ERO1B: variants seen among roughly 807,000 people sequenced by gnomAD.
The protein encoded by ERO1B is endoplasmic reticulum oxidoreductase 1 beta, also known as ERO1-like protein beta.
Under a neutral mutation model 75.3 loss-of-function variants are expected in ERO1B, and 49 were observed. The observed-to-expected ratio is 0.65, with a 90% CI of 0.52 to 0.83. The LOEUF is 0.83. Ranked by LOEUF, ERO1B falls within the 40% of genes least tolerant of loss-of-function variation. The pLI, the probability that ERO1B is intolerant of heterozygous loss-of-function variation, is 0.00. For missense variants in ERO1B, 512 were observed against 560.1 expected (o/e 0.91, Z 0.87); for synonymous variants, 191 against 192.9 (o/e 0.99, Z 0.08).
chr1:236,225,351 T>C (rs1664254046), intron 12 of ERO1B, among the ~76,000 whole-genome samples: 1 of 152,204 alleles, frequency 6.6e-6, no homozygotes, highest in African/African-American at 2.4e-5. Flanking sequence ...TTAAATTTAG[T>C]AAGACTGTAA....
chr1:236,241,477 AGGTT>A (rs1207642993), intron 6 of ERO1B, among the ~76,000 whole-genome samples: 1 of 152,082 alleles, frequency 6.6e-6, no homozygotes, highest in African/African-American at 2.4e-5. Flanking sequence ...CCTAGGAGAC[AGGTT>A]GCAGTGAGCC....
At chr1:236,223,713 AATTAT>A (rs1558505255) in intron 13 of ERO1B, among the ~76,000 whole-genome samples, 2 of 152,226 alleles carry the variant, frequency 1.3e-5, no homozygotes, top group Non-Finnish European at 2.9e-5. Context: ...AAACATACAT[AATTAT>A]AGTTGCCCTA....
chr1:236,245,923 G>A (rs1664875870), intron 5 of ERO1B, among the ~76,000 whole-genome samples: 2 of 151,408 alleles, frequency 1.3e-5, no homozygotes, highest in East Asian at 2.0e-4. Flanking sequence ...ATGTTATATG[G>A]GTGGACACAT....
Position 236,218,455 on chromosome 1 carries a change from C to T in ERO1B, c.*61G>A. On this transcript the variant is annotated 3_prime_UTR_variant, in exon 16 of 16. Transcript: ENST00000354619. ...GATTAGTGTCTTTCTGATGAATGTC[C>T]ATAATTAAAAGGCTTTCCACAGTCA... 2.2e-6 allele frequency: 3 copies of T among 1,348,480 alleles called. No homozygotes were observed. Among genetic ancestry groups the T allele is most frequent in the South Asian group, 1.9e-5 (1 of 53,426 alleles). 83.5% of individuals were successfully genotyped at this position (1,348,480 alleles called of 1,614,324 possible).
intron 15 of ERO1B, among the ~76,000 whole-genome samples, chr1:236,219,257 G>T (rs1664075051): frequency 6.6e-6 from 1 of 152,066 alleles, no homozygotes; most frequent in South Asian, 2.1e-4. Flanking sequence ...TCATTATCAG[G>T]AAACAAACTA....
intron 5 of ERO1B, among the ~76,000 whole-genome samples, chr1:236,243,743 T>C (rs1664769829): frequency 6.6e-6 from 1 of 152,116 alleles, no homozygotes; most frequent in Non-Finnish European, 1.5e-5. Context: ...TCAATAATAA[T>C]TATTTCAAGG....
chr1:236,267,819 CTG>C (rs1259382459), intron 2 of ERO1B: 1 of 152,166 alleles, frequency 6.6e-6, no homozygotes, highest in Non-Finnish European at 1.5e-5. Flanking sequence ...AGTGAAGTAT[CTG>C]TTAATACCTG....
Position 236,249,911 on chromosome 1 carries a change from T to C in ERO1B, c.405A>G (p.Lys135=). 6 of 1,599,902 alleles carry C rather than the reference T, an allele frequency of 3.8e-6. No individual in the cohort carries two copies. The highest frequency in any genetic ancestry group is 5.1e-6 in the Non-Finnish European group (6 of 1,174,458). The change falls in exon 5 of 16, where the codon AAA becomes AAG. Residue 135 remains lysine (K), a synonymous_variant. Coordinates refer to ENST00000354619, the MANE Select transcript of ERO1B (RefSeq NM_019891.4). ...KELEDCEQAN[K]LGAINSTLSN... ...TTAATGTGCTGTTAATTGCTCCCAGTTTATTAGCTTGCTCACAATCTTCTA... is the reference window on the plus strand; with the variant it reads ...TTAATGTGCTGTTAATTGCTCCCAGCTTATTAGCTTGCTCACAATCTTCTA...
Position 236,217,646 on chromosome 1 carries a change from G to C in ERO1B, c.*870C>G, listed in dbSNP as rs1664026258. The C allele has an allele frequency of 1.3e-5, 2 of 152,522 alleles. No individual in the cohort carries two copies. Among genetic ancestry groups the C allele is most frequent in the Admixed American group, 1.3e-4 (2 of 15,264 alleles). The allele number at this position is 152,522 out of a possible 1,614,324, so 9.4% of individuals were successfully genotyped here. A position where few individuals can be genotyped will look rare whatever the true frequency, so the allele number is the denominator to read the frequency against. On this transcript the variant is annotated 3_prime_UTR_variant, in exon 16 of 16. Coordinates refer to ENST00000354619, the MANE Select transcript of ERO1B (RefSeq NM_019891.4). Reference sequence around the variant, plus strand: ...TATAATCCCATTTAAATTTTATCAAGAAGTAATCTGTTAAATATTTCTGCA... The same window carrying C: ...TATAATCCCATTTAAATTTTATCAACAAGTAATCTGTTAAATATTTCTGCA...
intron 2 of ERO1B, chr1:236,267,789 C>T (rs1359881759): frequency 2.0e-5 from 3 of 152,162 alleles, no homozygotes; most frequent in Non-Finnish European, 2.9e-5. Context: ...AATGGCTTCT[C>T]GGCCTTTTGG....
At chr1:236,242,465 T>G (rs1664735538) in intron 6 of ERO1B, among the ~76,000 whole-genome samples, 2 of 152,140 alleles carry the variant, frequency 1.3e-5, no homozygotes, top group African/African-American at 4.8e-5. Flanking sequence ...CCTTTAAAAT[T>G]TCCTTACTGA....
chr1:236,222,152 C>T (rs1572028526), intron 13 of ERO1B, 142 bp from the exon 14 acceptor site: 1 of 691,058 alleles, frequency 1.4e-6, no homozygotes, highest in South Asian at 1.8e-5. Context: ...CTTTGTCGCC[C>T]AGGCTGGAGT....
chr1:236,249,959 T>C lies in ERO1B; in HGVS notation c.357A>G (p.Lys119=). ...IKAGHSNKYL[K]MANNTKELED... ...CTAATTCTTTGGTATTGTTTGCCAT[T>C]TTCAAGTACTGCAAAGAAGTTCGTA... Residue 119 remains lysine (K), a synonymous_variant, in exon 5 of 16, where the codon AAA becomes AAG. Coordinates refer to ENST00000354619, the MANE Select transcript of ERO1B (RefSeq NM_019891.4). 1.3e-6 allele frequency: 2 copies of C among 1,598,176 alleles called. No individual in the cohort carries two copies. The highest frequency in any genetic ancestry group is 1.7e-6 in the Non-Finnish European group (2 of 1,173,810).
At position 236,226,373 on chromosome 1, in the gene ERO1B, C is replaced by G. The variant is rs776806274; in HGVS notation, c.948G>C (p.Lys316Asn). The G allele has an allele frequency of 1.2e-6, 2 of 1,614,076 alleles. No homozygotes were observed. The highest frequency in any genetic ancestry group is 1.7e-6 in the Non-Finnish European group (2 of 1,179,998). Residue 316 changes from lysine to asparagine, a missense_variant, in exon 12 of 16, where the codon AAG (lysine) becomes AAC (asparagine). Lys to Asn is a moderately conservative substitution (Grantham distance 94). Coordinates refer to ENST00000354619, the MANE Select transcript of ERO1B (RefSeq NM_019891.4). Reference protein sequence around the residue: ...LYLIELRALSKVAPYFERSIV... With the variant: ...LYLIELRALSNVAPYFERSIV... ...TTGAGCGCTCAAAATATGGAGCCAC[C>G]TTTGACAAAGCTCGAAGCTCAATCA...
At chr1:236,229,860 A>T (rs1239721684) in intron 10 of ERO1B, among the ~76,000 whole-genome samples, 2 of 152,204 alleles carry the variant, frequency 1.3e-5, no homozygotes, top group Non-Finnish European at 2.9e-5. Flanking sequence ...TTAATTTTAT[A>T]TATAAAAAGT....
chr1:236,218,604 T>G (rs781491734), intron 15 of ERO1B, 28 bp from the exon 16 acceptor site: 1 of 1,325,664 alleles, frequency 7.5e-7, no homozygotes, highest in Non-Finnish European at 9.8e-7. Context: ...AGCTTATTAG[T>G]AAGGCTAACA....
intron 15 of ERO1B, among the ~76,000 whole-genome samples, chr1:236,218,960 C>T (rs1415029483): frequency 8.6e-6 from 1 of 116,066 alleles, no homozygotes; most frequent in African/African-American, 3.2e-5. Flanking sequence ...AGGGTAAAGA[C>T]TCTATTTCAT....
chr1:236,229,575 A>G (rs1005446234), intron 10 of ERO1B, among the ~76,000 whole-genome samples: 3 of 152,198 alleles, frequency 2.0e-5, no homozygotes, highest in African/African-American at 7.2e-5. Flanking sequence ...TGTTACTAAT[A>G]TATTTTAATT....
intron 9 of ERO1B, 36 bp from the exon 10 acceptor site, chr1:236,230,286 T>C (rs1664373404): frequency 3.3e-6 from 5 of 1,520,522 alleles, no homozygotes; most frequent in Non-Finnish European, 4.5e-6. Context: ...AAACATTATA[T>C]GGTCATTTAT....
Sources: gnomAD v4.1 joint callset for allele counts (sites outside exome capture counted in the v4.1 genomes callset) on GRCh38, gnomAD v4.1.1 for gene constraint, MANE v1.5 for transcripts, NCBI Gene and HGNC (gene_info 2026-07-23, HGNC 2026-07-21) for gene names.